KCTD16: variants seen among roughly 807,000 people sequenced by gnomAD.
KCTD16 encodes potassium channel tetramerization domain containing 16, also known as BTB/POZ domain-containing protein KCTD16.
A neutral mutation model predicts 33.2 loss-of-function variants in KCTD16; 13 were observed. That is an observed-to-expected ratio of 0.39 (90% CI 0.25 to 0.62). KCTD16 has a LOEUF of 0.62. Among genes scored for constraint, KCTD16 ranks in the 20% least tolerant of loss-of-function variants. The pLI, the probability that KCTD16 is intolerant of heterozygous loss-of-function variation, is 0.50. For missense variants in KCTD16, 441 were observed against 525.1 expected, an observed-to-expected ratio of 0.84 and a Z score of 1.57; for synonymous variants, 197 against 195.3, an observed-to-expected ratio of 1.01 and a Z score of -0.07.
intron 3 of KCTD16, among the ~76,000 whole-genome samples, chr5:144,348,223 G>A (rs1580892151): frequency 1.3e-5 from 2 of 152,236 alleles, no homozygotes; most frequent in East Asian, 1.9e-4. Context: ...GCATATATGT[G>A]TTTCTATTTC....
At chr5:144,249,590 T>C (rs1055399072) in intron 3 of KCTD16, among the ~76,000 whole-genome samples, 1 of 152,196 alleles carries the variant, frequency 6.6e-6, no homozygotes. Flanking sequence ...TAATAAAATC[T>C]TTAAAAATTT....
At chr5:144,243,356 G>A (rs1314556096) in intron 3 of KCTD16, among the ~76,000 whole-genome samples, 1 of 152,144 alleles carries the variant, frequency 6.6e-6, no homozygotes, top group Non-Finnish European at 1.5e-5. Context: ...CCTAAGGAGA[G>A]GGAAGTTGTG....
At chr5:144,318,669 C>T (rs984512083) in intron 3 of KCTD16, among the ~76,000 whole-genome samples, 8 of 152,132 alleles carry the variant, frequency 5.3e-5, no homozygotes, top group South Asian at 2.1e-4. Context: ...CCTGCCTGAC[C>T]GCTAGAACTT....
chr5:144,431,441 G>T (rs1753460423), intron 3 of KCTD16, among the ~76,000 whole-genome samples: 1 of 152,132 alleles, frequency 6.6e-6, no homozygotes, highest in African/African-American at 2.4e-5. Flanking sequence ...ATTCTAGTGT[G>T]TAGTTAAATA....
intron 3 of KCTD16, among the ~76,000 whole-genome samples, chr5:144,458,587 A>G (rs1446341278): frequency 6.6e-6 from 1 of 152,178 alleles, no homozygotes; most frequent in Non-Finnish European, 1.5e-5. Context: ...CTCTAGGGGA[A>G]CTCAGTTTAC....
intron 3 of KCTD16, among the ~76,000 whole-genome samples, chr5:144,254,265 T>C (rs1416311856): frequency 6.6e-6 from 1 of 152,018 alleles, no homozygotes. Flanking sequence ...GCCTCCTGAG[T>C]AGTGGGGACT....
intron 2 of KCTD16, among the ~76,000 whole-genome samples, chr5:144,198,419 C>T (rs924287121): frequency 2.0e-5 from 3 of 152,158 alleles, no homozygotes; most frequent in Non-Finnish European, 4.4e-5. Context: ...CTGCAATTCT[C>T]AGCTTTGAGT....
At chr5:144,349,511 A>G (rs1392892069) in intron 3 of KCTD16, among the ~76,000 whole-genome samples, 1 of 152,244 alleles carries the variant, frequency 6.6e-6, no homozygotes, top group Non-Finnish European at 1.5e-5. Context: ...TCTGAATTGA[A>G]TTAAATCCAG....
intron 2 of KCTD16, among the ~76,000 whole-genome samples, chr5:144,204,268 G>T (rs1753109867): frequency 6.6e-6 from 1 of 152,170 alleles, no homozygotes; most frequent in Non-Finnish European, 1.5e-5. Context: ...AATAGCAATT[G>T]TTTGGGATGG....
At chr5:144,237,761 C>T (rs940285930) in intron 3 of KCTD16, among the ~76,000 whole-genome samples, 5 of 152,110 alleles carry the variant, frequency 3.3e-5, no homozygotes, top group African/African-American at 9.7e-5. Flanking sequence ...TCCTACCCTC[C>T]ACCTCCATGT....
intron 3 of KCTD16, among the ~76,000 whole-genome samples, chr5:144,267,359 A>G (rs752765432): frequency 6.6e-6 from 1 of 152,150 alleles, no homozygotes; most frequent in Admixed American, 6.6e-5. Context: ...TTGAAGATTA[A>G]TTCAGTCAAA....
In KCTD16 at chr5:144,239,603, C is replaced by T. The variant is rs144613023; in HGVS notation, c.832+32057C>T. 1.9e-4 allele frequency among the ~76,000 whole-genome samples: 29 copies of T among 152,172 alleles called. No individual in the cohort carries two copies. The East Asian group carries it at 4.6e-3, about 24-fold the overall frequency. ...TGGTGTCACCAGATTCTCCTAGAAA[C>T]ACATAAAATATCATAGTTATAAACT... On this transcript the variant is annotated intron_variant, in intron 3 of 3. Coordinates refer to ENST00000512467, the MANE Select transcript of KCTD16 (RefSeq NM_020768.4).
chr5:144,245,822 T>C (rs535540332), intron 3 of KCTD16, among the ~76,000 whole-genome samples: 2 of 152,338 alleles, frequency 1.3e-5, no homozygotes, highest in South Asian at 2.1e-4. Flanking sequence ...GCCATGACTG[T>C]AAATTCCCTG....
intron 3 of KCTD16, among the ~76,000 whole-genome samples, chr5:144,407,703 C>A (rs922207165): frequency 5.3e-5 from 8 of 152,080 alleles, no homozygotes; most frequent in African/African-American, 1.9e-4. Context: ...TTGCCTCCCA[C>A]CCCCTCACAG....
chr5:144,228,388 T>C (rs1480011953), intron 3 of KCTD16, among the ~76,000 whole-genome samples: 3 of 152,126 alleles, frequency 2.0e-5, no homozygotes, highest in Non-Finnish European at 2.9e-5. Context: ...AAATTGAGAG[T>C]AATGGCTATT....
intron 3 of KCTD16, among the ~76,000 whole-genome samples, chr5:144,411,831 C>T (rs1335772176): frequency 6.6e-6 from 1 of 151,882 alleles, no homozygotes; most frequent in Non-Finnish European, 1.5e-5. Context: ...TCAAGCAACT[C>T]AATAGCAAAA....
At chr5:144,342,045 G>A (rs958930695) in intron 3 of KCTD16, among the ~76,000 whole-genome samples, 1 of 152,126 alleles carries the variant, frequency 6.6e-6, no homozygotes, top group Non-Finnish European at 1.5e-5. Flanking sequence ...AAAAAGTTTA[G>A]TTAGCAATGC....
chr5:144,299,061 TATATATA>T (rs1756129470), intron 3 of KCTD16, among the ~76,000 whole-genome samples: 1 of 94,296 alleles, frequency 1.1e-5, no homozygotes, highest in African/African-American at 4.1e-5. Context: ...TATATATATA[TATATATA>T]TATATTTTTG....
chr5:144,220,340 C>T (rs1337829789), intron 3 of KCTD16, among the ~76,000 whole-genome samples: 3 of 152,100 alleles, frequency 2.0e-5, no homozygotes, highest in South Asian at 2.1e-4. Flanking sequence ...TAACTATTTG[C>T]TTGATTTACT....
Sources: gnomAD v4.1 joint callset for allele counts (sites outside exome capture counted in the v4.1 genomes callset) on GRCh38, gnomAD v4.1.1 for gene constraint, MANE v1.5 for transcripts, NCBI Gene and HGNC (gene_info 2026-07-23, HGNC 2026-07-21) for gene names.